SDHC: variants seen among roughly 807,000 people sequenced by gnomAD.
SDHC encodes succinate dehydrogenase complex subunit C, also known as succinate dehydrogenase cytochrome b560 subunit, mitochondrial.
SDHC carries 11 observed loss-of-function variants against 22.6 expected under a neutral mutation model. The ratio of observed to expected loss-of-function variants is 0.49; its 90% CI spans 0.31 to 0.81. The LOEUF (loss-of-function observed/expected upper bound fraction) is 0.81. Among genes scored for constraint, SDHC ranks in the 30% least tolerant of loss-of-function variants. The probability of loss-of-function intolerance (pLI) is 0.05; values close to 1 mark genes in which losing one functional copy is unlikely to be tolerated. For synonymous variants in SDHC, 80 were observed against 77.8 expected (o/e 1.03, Z -0.15); for missense variants, 160 against 212.0 (o/e 0.75, Z 1.52).
At chr1:161,322,473 G>A (rs1284626581) in intron 1 of SDHC, among the ~76,000 whole-genome samples, 2 of 152,060 alleles carry the variant, frequency 1.3e-5, no homozygotes, top group African/African-American at 4.8e-5. Context: ...TCTGGAGTTT[G>A]ACTGATGTTA....
chr1:161,353,512 C>G (rs1470679998), intron 4 of SDHC, among the ~76,000 whole-genome samples: 1 of 152,176 alleles, frequency 6.6e-6, no homozygotes, highest in African/African-American at 2.4e-5. Context: ...TGAGTCATAT[C>G]TTCCTCCCAA....
At position 161,362,578 on chromosome 1, in the gene SDHC, G is replaced by A; in HGVS notation, c.*145G>A. On this transcript the variant is annotated 3_prime_UTR_variant, in exon 6 of 6. Transcript: ENST00000367975. ...TTTCAGATCTCCTTGGAGCAGTAGA[G>A]TACCTGGTAGACCATAATAGTGGAA... 2 of 1,608,812 alleles carry A rather than the reference G, an allele frequency of 1.2e-6. No homozygotes were observed. The highest frequency in any genetic ancestry group is 2.2e-5 in the East Asian group (1 of 44,870).
intron 2 of SDHC, among the ~76,000 whole-genome samples, chr1:161,325,243 C>T (rs1361643496): frequency 6.6e-6 from 1 of 151,626 alleles, no homozygotes; most frequent in East Asian, 1.9e-4. Context: ...TGTGGTGGCT[C>T]ACACTTGTAA....
intron 1 of SDHC, among the ~76,000 whole-genome samples, chr1:161,322,168 C>T (rs1190678969): frequency 6.6e-6 from 1 of 152,158 alleles, no homozygotes; most frequent in African/African-American, 2.4e-5. Flanking sequence ...AGCATCATGT[C>T]AGCACTTAAA....
At chr1:161,360,706 G>A (rs1341205704) in intron 5 of SDHC, among the ~76,000 whole-genome samples, 1 of 151,804 alleles carries the variant, frequency 6.6e-6, no homozygotes, top group African/African-American at 2.4e-5. Context: ...GACATAACAA[G>A]AGTCTATCTC....
chr1:161,357,561 G>A (rs909337247), intron 5 of SDHC, among the ~76,000 whole-genome samples: 1 of 118,300 alleles, frequency 8.5e-6, no homozygotes, highest in Non-Finnish European at 1.7e-5. Flanking sequence ...CACCACGCCC[G>A]GCTAATTTTT....
chr1:161,348,696 T>C (rs1487987452), intron 4 of SDHC, among the ~76,000 whole-genome samples: 1 of 2,142 alleles, frequency 4.7e-4, no homozygotes, highest in East Asian at 7.7e-3. Context: ...AATTAGCCAG[T>C]TGTGGGTGGC....
At chr1:161,351,736 CA>C (rs1672105211) in intron 4 of SDHC, among the ~76,000 whole-genome samples, 1 of 152,170 alleles carries the variant, frequency 6.6e-6, no homozygotes, top group Non-Finnish European at 1.5e-5. Context: ...TGTGGGGAAG[CA>C]GATGGGCAGA....
At chr1:161,343,120 G>A (rs981449615) in intron 4 of SDHC, among the ~76,000 whole-genome samples, 2 of 152,184 alleles carry the variant, frequency 1.3e-5, no homozygotes, top group African/African-American at 4.8e-5. Context: ...AGGTAGGAAA[G>A]GGAGTTTCTA....
At chr1:161,345,525 C>T (rs967739668) in intron 4 of SDHC, among the ~76,000 whole-genome samples, 1 of 152,148 alleles carries the variant, frequency 6.6e-6, no homozygotes, top group Non-Finnish European at 1.5e-5. Context: ...GGCGCGATCT[C>T]AGCTCACTGC....
At chr1:161,347,020 T>A (rs560123446) in intron 4 of SDHC, among the ~76,000 whole-genome samples, 1 of 152,250 alleles carries the variant, frequency 6.6e-6, no homozygotes, top group South Asian at 2.1e-4. Context: ...CCCCACCCAA[T>A]ATTTTCAATC....
At chr1:161,339,268 G>T (rs1389145027) in intron 3 of SDHC, among the ~76,000 whole-genome samples, 1 of 151,930 alleles carries the variant, frequency 6.6e-6, no homozygotes, top group Non-Finnish European at 1.5e-5. Flanking sequence ...CTGCAGTCTG[G>T]AGTTCCTGGC....
At chr1:161,352,837 C>T (rs1208693808) in intron 4 of SDHC, among the ~76,000 whole-genome samples, 3 of 152,046 alleles carry the variant, frequency 2.0e-5, no homozygotes, top group Non-Finnish European at 2.9e-5. Context: ...ATTAGCCGGG[C>T]GTGGTGGCAC....
intron 4 of SDHC, among the ~76,000 whole-genome samples, chr1:161,348,679 A>G (rs1671991952): frequency 2.7e-5 from 1 of 37,102 alleles, no homozygotes; most frequent in African/African-American, 1.3e-4. Flanking sequence ...AAAAAAAAAA[A>G]AAAAAAAATT....
intron 1 of SDHC, among the ~76,000 whole-genome samples, chr1:161,316,726 T>A (rs1670631674): frequency 6.6e-6 from 1 of 152,210 alleles, no homozygotes; most frequent in Non-Finnish European, 1.5e-5. Flanking sequence ...AATGAGGAAT[T>A]AAAAATTTTT....
At chr1:161,362,303 T>C (rs2102384677) in intron 5 of SDHC, 26 bp from the exon 6 acceptor site, 2 of 658,234 alleles carry the variant, frequency 3.0e-6, no homozygotes, top group South Asian at 2.2e-5. Context: ...TGAAATTCCT[T>C]TTTTTTTTTT....
At position 161,362,653 on chromosome 1, in the gene SDHC, TC is replaced by T. The variant is rs1345302308; in HGVS notation, c.*224del. The T allele has an allele frequency of 6.7e-7, 1 of 1,485,418 alleles. No homozygotes were observed. The highest frequency in any genetic ancestry group is 1.4e-5 in the African/African-American group (1 of 70,944). The allele number at this position is 1,485,418 out of a possible 1,614,324, so 92.0% of individuals were successfully genotyped here. A position where few individuals can be genotyped will look rare whatever the true frequency, so the allele number is the denominator to read the frequency against. On this transcript the variant is annotated 3_prime_UTR_variant, in exon 6 of 6. Coordinates refer to ENST00000367975, the MANE Select transcript of SDHC (RefSeq NM_003001.5). ...CTAAAGATGAGGTGGCTGCAAAAAC[TC>T]CCCTTTTTTGCCCACAGCTTGCCTA... is the stretch of plus-strand genomic sequence containing the variant.
At chr1:161,328,256 C>A in intron 2 of SDHC, 140 bp from the exon 3 acceptor site, 1 of 715,074 alleles carries the variant, frequency 1.4e-6, no homozygotes, top group Non-Finnish European at 2.5e-6. Context: ...CCCGCCTCGG[C>A]CTCCCAAAGA....
chr1:161,338,086 C>T (rs777888497), intron 3 of SDHC, among the ~76,000 whole-genome samples: 50 of 152,168 alleles, frequency 3.3e-4, no homozygotes, highest in Non-Finnish European at 5.1e-4. Flanking sequence ...TTCTGGGTTT[C>T]GGTCTCCTGA....
Sources: gnomAD v4.1 joint callset for allele counts (sites outside exome capture counted in the v4.1 genomes callset) on GRCh38, gnomAD v4.1.1 for gene constraint, MANE v1.5 for transcripts, NCBI Gene and HGNC (gene_info 2026-07-23, HGNC 2026-07-21) for gene names.